CERT1: variants seen among roughly 807,000 people sequenced by gnomAD.
CERT1 encodes the protein ceramide transporter 1, also known as ceramide transfer protein.
A neutral mutation model predicts 87.9 loss-of-function variants in CERT1; 31 were observed. The ratio of observed to expected loss-of-function variants is 0.35; its 90% CI spans 0.27 to 0.48. The LOEUF (loss-of-function observed/expected upper bound fraction) is 0.48. Ranked by LOEUF, CERT1 falls within the 20% of genes least tolerant of loss-of-function variation. CERT1 has a pLI of 0.99. For missense variants in CERT1, 487 were observed against 758.0 expected (o/e 0.64, Z 4.20); for synonymous variants, 289 against 250.9 (o/e 1.15, Z -1.44).
intron 3 of CERT1, among the ~76,000 whole-genome samples, chr5:75,444,982 C>A (rs1405277414): frequency 1.3e-5 from 2 of 152,106 alleles, no homozygotes; most frequent in African/African-American, 4.8e-5. Context: ...TGAACTTAAA[C>A]TAGCTTAACT....
intron 5 of CERT1, among the ~76,000 whole-genome samples, chr5:75,422,938 A>G (rs1373994282): frequency 6.6e-6 from 1 of 152,150 alleles, no homozygotes; most frequent in Non-Finnish European, 1.5e-5. Flanking sequence ...GAGGCGTGGA[A>G]CAGGTTTTTC....
At chr5:75,477,647 T>TAAAAAAAAAAAAAAAAAAAAAAAAAAA (rs540588442) in intron 2 of CERT1, among the ~76,000 whole-genome samples, 1 of 89,528 alleles carries the variant, frequency 1.1e-5, no homozygotes, top group Non-Finnish European at 2.1e-5. Context: ...TAATAAGTTG[T>TAAAAAAAAAAAAAAAAAAAAAAAAAAA]AAAAAAAAAA....
chr5:75,398,428 A>T (rs1313838991), intron 11 of CERT1, among the ~76,000 whole-genome samples: 1 of 152,176 alleles, frequency 6.6e-6, no homozygotes, highest in East Asian at 1.9e-4. Flanking sequence ...ATAAAAATGA[A>T]GCACAAAAAA....
At chr5:75,374,419 A>G (rs972891345), downstream of CERT1, 6 of 554,880 alleles carry the variant, frequency 1.1e-5, no homozygotes, top group East Asian at 8.6e-5. Flanking sequence ...CAAAAGTTAG[A>G]AAAAAAAACG....
At chr5:75,511,731 C>T, upstream of CERT1, 1 of 1,548,606 alleles carries the variant, frequency 6.5e-7, no homozygotes, top group Non-Finnish European at 8.7e-7. Context: ...ACACGCCGAG[C>T]CTTCGGGATC....
chr5:75,371,741 A>G (rs1461389954), intron 17 of CERT1: 1 of 152,236 alleles, frequency 6.6e-6, no homozygotes, highest in African/African-American at 2.4e-5. Context: ...AGCACAAAAG[A>G]GTAACTGAGT....
chr5:75,400,285 T>G lies in CERT1; in HGVS notation c.1030A>C (p.Lys344Gln). The G allele has an allele frequency of 6.2e-7, 1 of 1,612,202 alleles. No individual in the cohort carries two copies. Among genetic ancestry groups the G allele is most frequent in the Non-Finnish European group, 8.5e-7 (1 of 1,178,412 alleles). Reference protein sequence around the residue: ...DKIEEQSQSEKVRLHWPTSLP... With the variant: ...DKIEEQSQSEQVRLHWPTSLP... ...GATGTAGGCCAATGTAATCTCACCTTTTCACTCTGTGACTAAAAAAACATA... is the reference window on the plus strand; with the variant it reads ...GATGTAGGCCAATGTAATCTCACCTGTTCACTCTGTGACTAAAAAAACATA... The change falls in exon 10 of 17, where the codon AAG becomes CAG. Residue 344 changes from lysine (K) to glutamine (Q), a missense_variant. Coordinates refer to ENST00000643780, the MANE Select transcript of CERT1 (RefSeq NM_001379029.1).
At position 75,492,613 on chromosome 5, in the gene CERT1, C is replaced by T. The variant is rs185998833; in HGVS notation, c.231+13369G>A. ...GCATGTTCATATGTTCCCCTCATAC[C>T]TCTTCCCATTTCTGATACAATCACT... On this transcript the variant is annotated intron_variant, in intron 2 of 16. Coordinates refer to ENST00000643780, the MANE Select transcript of CERT1 (RefSeq NM_001379029.1). Among the ~76,000 whole-genome samples the T allele has an allele frequency of 1.0e-3, 157 of 152,306 alleles. 2 individuals are homozygous for T. Among genetic ancestry groups the T allele is most frequent in the Non-Finnish European group, 2.2e-4 (15 of 68,020 alleles).
At chr5:75,462,708 G>C (rs1177584359) in intron 2 of CERT1, among the ~76,000 whole-genome samples, 1 of 152,070 alleles carries the variant, frequency 6.6e-6, no homozygotes, top group African/African-American at 2.4e-5. Flanking sequence ...AAAAAGCCAG[G>C]TTTAAAAAGT....
chr5:75,482,645 T>C (rs568259623), intron 2 of CERT1, among the ~76,000 whole-genome samples: 23 of 152,166 alleles, frequency 1.5e-4, no homozygotes, highest in Non-Finnish European at 2.9e-4. Flanking sequence ...ACAGTGGTGC[T>C]TGTGTCACCT....
At chr5:75,387,361 G>A (rs1761833412) in intron 12 of CERT1, among the ~76,000 whole-genome samples, 1 of 152,094 alleles carries the variant, frequency 6.6e-6, no homozygotes, top group African/African-American at 2.4e-5. Flanking sequence ...TACTGTTCTA[G>A]GTAGGCTTTC....
At chr5:75,511,665 T>G (rs1768014376), upstream of CERT1, 25 of 1,514,340 alleles carry the variant, frequency 1.7e-5, no homozygotes, top group Non-Finnish European at 2.2e-5. Flanking sequence ...CTCCCCTTCG[T>G]CCTCCCATTC....
At chr5:75,446,764 C>T (rs892139960) in intron 3 of CERT1, among the ~76,000 whole-genome samples, 4 of 152,098 alleles carry the variant, frequency 2.6e-5, no homozygotes, top group African/African-American at 9.7e-5. Context: ...TGCACCTTTC[C>T]CTGAGCATGC....
rs763424815 is a variant in CERT1 at position 75,385,999 on chromosome 5, A to G, written c.1320T>C (p.Val440=). Residue 440 remains valine (V), a synonymous_variant, in exon 13 of 17, where the codon GTT becomes GTC. Transcript: ENST00000643780. ...YRREVEENGI[V]LDPLKATHAV... Reference sequence around the variant, plus strand: ...CATGGGTAGCTTTTAAAGGATCCAGAACAATCCCATTTTCTTCTACTTCTC... The same window carrying G: ...CATGGGTAGCTTTTAAAGGATCCAGGACAATCCCATTTTCTTCTACTTCTC... 1 of 1,587,052 alleles carries G rather than the reference A, an allele frequency of 6.3e-7. No homozygotes were observed. The highest frequency in any genetic ancestry group is 1.2e-5 in the South Asian group (1 of 85,360).
At chr5:75,426,317 C>T (rs1763614805) in intron 4 of CERT1, 54 bp downstream of exon 4, 4 of 1,230,196 alleles carry the variant, frequency 3.3e-6, no homozygotes, top group Admixed American at 1.7e-5. Flanking sequence ...TCACAACATC[C>T]AATACTAAAC....
chr5:75,379,593 T>G, intron 16 of CERT1, 120 bp from the exon 17 acceptor site: 4 of 944,226 alleles, frequency 4.2e-6, no homozygotes. Flanking sequence ...AGCATCTTTT[T>G]TTTTTCTTTT....
chr5:75,438,036 G>A (rs564727636), intron 3 of CERT1, among the ~76,000 whole-genome samples: 1 of 151,974 alleles, frequency 6.6e-6, no homozygotes, highest in South Asian at 2.1e-4. Flanking sequence ...ACCATATTGA[G>A]AGCAATTTAT....
At chr5:75,461,830 A>AC in intron 2 of CERT1, among the ~76,000 whole-genome samples, 1 of 152,000 alleles carries the variant, frequency 6.6e-6, no homozygotes, top group South Asian at 2.1e-4. Context: ...TGAAAAAAAA[A>AC]AAAAAAACGA....
chr5:75,485,560 CAATGA>C (rs1402483585), intron 2 of CERT1, among the ~76,000 whole-genome samples: 2 of 151,562 alleles, frequency 1.3e-5, no homozygotes, highest in Non-Finnish European at 2.9e-5. Flanking sequence ...TACAAAAGAT[CAATGA>C]AATGAAAAGT....
Sources: gnomAD v4.1 joint callset for allele counts (sites outside exome capture counted in the v4.1 genomes callset) on GRCh38, gnomAD v4.1.1 for gene constraint, MANE v1.5 for transcripts, NCBI Gene and HGNC (gene_info 2026-07-23, HGNC 2026-07-21) for gene names.